The following CEP170B variants were observed in gnomAD, a reference collection of about 807,000 sequenced individuals.
CEP170B encodes the protein centrosomal protein 170B.
Under a neutral mutation model 120.6 loss-of-function variants are expected in CEP170B, and 55 were observed. The observed-to-expected ratio is 0.46, with a 90% CI of 0.37 to 0.57. The LOEUF is 0.57. Ranked by LOEUF, CEP170B falls within the 20% of genes least tolerant of loss-of-function variation. The pLI, the probability that CEP170B is intolerant of heterozygous loss-of-function variation, is 0.00. For synonymous variants in CEP170B, 1,033 were observed against 954.5 expected, an observed-to-expected ratio of 1.08 and a Z score of -1.52; for missense variants, 2,212 against 2,253.3, an observed-to-expected ratio of 0.98 and a Z score of 0.37.
intron 2 of CEP170B, among the ~76,000 whole-genome samples, chr14:104,875,986 C>A (rs1263641686): frequency 6.6e-6 from 1 of 152,166 alleles, no homozygotes; most frequent in African/African-American, 2.4e-5. Context: ...GACCAGAGGG[C>A]TCCCAGCACT....
At position 104,870,124 on chromosome 14, in the gene CEP170B, G is replaced by T. The variant is rs1240582021; in HGVS notation, c.105+1569G>T. On this transcript the variant is annotated intron_variant, in intron 2 of 18. Transcript: ENST00000414716. The surrounding 1 kb of genome is among the most constrained non-coding windows in gnomAD (Gnocchi z 4.1). ...ATGTTTTCTACAAGGGCCTGGTAAAGATTTTAGGTTTTATGGACCACAAAG... is the reference window on the plus strand; with the variant it reads ...ATGTTTTCTACAAGGGCCTGGTAAATATTTTAGGTTTTATGGACCACAAAG... Among the ~76,000 whole-genome samples, 2 of 152,050 alleles carry T rather than the reference G, an allele frequency of 1.3e-5. No homozygotes were observed. The highest frequency in any genetic ancestry group is 2.9e-5 in the Non-Finnish European group (2 of 68,014).
At chr14:104,878,747 G>C (rs555930502) in intron 5 of CEP170B, among the ~76,000 whole-genome samples, 1 of 144,530 alleles carries the variant, frequency 6.9e-6, no homozygotes, top group Admixed American at 6.9e-5. Flanking sequence ...ACCGGGACGC[G>C]GGTGCCACTG....
intron 6 of CEP170B, 89 bp downstream of exon 6, chr14:104,880,514 T>C: frequency 6.5e-7 from 1 of 1,531,958 alleles, no homozygotes; most frequent in Non-Finnish European, 8.8e-7. Flanking sequence ...CCCTTAACCC[T>C]CTGCATGCAT....
chr14:104,894,952 G>A lies in CEP170B; in HGVS notation c.4659G>A (p.Leu1553=), dbSNP rs202094112. The stretch of plus-strand genomic sequence containing the variant: ...TCCTCCCTGATGCCGAGAGGTTCCT[G>A]ATCTAGGCCCCAGACCTGGCCAGGC... ...PTFLPDAERF[L]I is the part of the protein sequence containing the mutation. The change falls in exon 19 of 19, where the codon CTG becomes CTA. Residue 1553 remains leucine, a synonymous_variant. Transcript: ENST00000414716. 6.3e-7 allele frequency: 1 copy of A among 1,579,286 alleles called. No homozygotes were observed. The highest frequency in any genetic ancestry group is 1.8e-5 in the Admixed American group (1 of 55,838).
chr14:104,887,330 A>G lies in CEP170B; in HGVS notation c.3091A>G (p.Ile1031Val). The change falls in exon 12 of 19, where the codon ATA becomes GTA. Residue 1031 changes from isoleucine (I) to valine (V), a missense_variant. By Grantham distance (29) the Ile-to-Val change is conservative (BLOSUM62 3). This residue lies in a region of CEP170B where 2,166 missense variants were observed against 2,166.7 expected (regional missense o/e 1.00). Transcript: ENST00000414716. ...TGGAGAGCCGGTACGGCGCTCAGCC[A>G]TAAGGCGTGGCCACAGGCCCCGAGG... ...GRGEPVRRSA[I>V]RRGHRPRGSL... is the part of the protein sequence containing the mutation. The G allele has an allele frequency of 2.5e-6, 4 of 1,611,282 alleles. No homozygotes were observed. Among genetic ancestry groups the G allele is most frequent in the South Asian group, 2.2e-5 (2 of 90,930 alleles).
At chr14:104,881,079 C>T (rs747817101) in intron 6 of CEP170B, among the ~76,000 whole-genome samples, 8 of 152,206 alleles carry the variant, frequency 5.3e-5, no homozygotes, top group Non-Finnish European at 7.3e-5. Context: ...TAGTATCAGG[C>T]ATTTGGACTG....
In CEP170B at chr14:104,883,929, G is replaced by A. The variant is rs777558393; in HGVS notation, c.1150G>A (p.Val384Met). 6 of 1,600,374 alleles carry A rather than the reference G, an allele frequency of 3.7e-6. No individual in the cohort carries two copies. The highest frequency in any genetic ancestry group is 5.1e-6 in the Non-Finnish European group (6 of 1,174,036). The change falls in exon 9 of 19, where the codon GTG (valine) becomes ATG (methionine). Residue 384 changes from valine (V) to methionine (M), a missense_variant. Around this residue, in one of 2 missense-constraint regions of CEP170B, gnomAD observed 2,166 missense variants for 2,166.7 expected, o/e 1.00. Coordinates refer to ENST00000414716, the MANE Select transcript of CEP170B (RefSeq NM_001112726.3). The part of the protein sequence containing the change: ...GVPLEASGEQ[V>M]RLQRQIKRDP... ...GCCCTTGGAGGCCAGCGGGGAGCAG[G>A]TGCGGCTGCAGAGGCAGATCAAGCG...
chr14:104,872,368 TGTGCCATGG>T, intron 2 of CEP170B, among the ~76,000 whole-genome samples: 1 of 73,968 alleles, frequency 1.4e-5, no homozygotes, highest in African/African-American at 4.0e-5. Flanking sequence ...GCCGCGTGTG[TGTGCCATGG>T]GTGTGCATGT....
rs1418670450 is a variant in CEP170B, at chr14:104,880,275, G to A, written c.334-12G>A. Reference sequence around the variant, plus strand: ...TGGGCCCAGTACCTCACCCCGCCTGGCCTGCCCACAGCATGAAAAGTACAC... The same window carrying A: ...TGGGCCCAGTACCTCACCCCGCCTGACCTGCCCACAGCATGAAAAGTACAC... On this transcript the variant is annotated splice_polypyrimidine_tract_variant and intron_variant, in intron 5 of 18. Transcript: ENST00000414716. The A allele has an allele frequency of 6.3e-7, 1 of 1,584,238 alleles. No homozygotes were observed. The highest frequency in any genetic ancestry group is 8.6e-7 in the Non-Finnish European group (1 of 1,166,398).
chr14:104,871,145 A>G (rs1042239336), intron 2 of CEP170B, among the ~76,000 whole-genome samples: 1 of 151,868 alleles, frequency 6.6e-6, no homozygotes, highest in African/African-American at 2.4e-5. Flanking sequence ...CAGGGGCCTC[A>G]GTGGCCCTTT....
intron 7 of CEP170B, 70 bp downstream of exon 7, chr14:104,882,902 G>A: frequency 6.6e-7 from 1 of 1,519,940 alleles, no homozygotes; most frequent in Non-Finnish European, 8.9e-7. Flanking sequence ...GGGATGGCCT[G>A]GGCTTGAGGA....
intron 9 of CEP170B, 125 bp from the exon 10 acceptor site, chr14:104,885,244 C>T (rs1896410244): frequency 1.8e-6 from 2 of 1,096,742 alleles, no homozygotes; most frequent in East Asian, 2.9e-5. Flanking sequence ...CATGTCCCGG[C>T]CACCAGCCAC....
rs115692922 is a variant in CEP170B at position 104,878,939 on chromosome 14, G to A, written c.333+438G>A. On this transcript the variant is annotated intron_variant, in intron 5 of 18. Transcript: ENST00000414716. Reference sequence around the variant, plus strand: ...GGTGGCCAGAGCCCAGGAAGCTGCTGGGGTCACCCTGCAGGAGAGTGCAGC... The same window carrying A: ...GGTGGCCAGAGCCCAGGAAGCTGCTAGGGTCACCCTGCAGGAGAGTGCAGC... Among the ~76,000 whole-genome samples, 326 of 152,314 alleles carry A rather than the reference G, an allele frequency of 2.1e-3. 1 individual carries two copies. Among genetic ancestry groups the A allele is most frequent in the African/African-American group, 7.7e-3 (321 of 41,570 alleles).
chr14:104,875,925 C>T (rs1301011068), intron 2 of CEP170B, among the ~76,000 whole-genome samples: 1 of 152,206 alleles, frequency 6.6e-6, no homozygotes, highest in Non-Finnish European at 1.5e-5. Flanking sequence ...CCCCTCACCG[C>T]CAGCCTGGCT....
Position 104,889,597 on chromosome 14 carries a change from C to T in CEP170B, c.3740-23C>T, listed in dbSNP as rs779087852. On this transcript the variant is annotated intron_variant, in intron 12 of 18. Transcript: ENST00000414716. The stretch of plus-strand genomic sequence containing the variant: ...GCTCCCGCCACGGCTCCCCCAAACA[C>T]ACACGCTCCCACACCTCAACAGCCA... 4 of 1,608,516 alleles carry T rather than the reference C, an allele frequency of 2.5e-6. No individual in the cohort carries two copies. In the African/African-American group the frequency reaches 4.0e-5, roughly 16 times the overall value.
Position 104,868,609 on chromosome 14 carries a change from G to A in CEP170B, c.105+54G>A, listed in dbSNP as rs749355724. 10 of 1,493,632 alleles carry A rather than the reference G, an allele frequency of 6.7e-6. No individual in the cohort carries two copies. Among genetic ancestry groups the A allele is most frequent in the Non-Finnish European group, 8.1e-6 (9 of 1,106,098 alleles). 92.5% of individuals were successfully genotyped at this position (1,493,632 alleles called of 1,614,324 possible). On this transcript the variant is annotated intron_variant, in intron 2 of 18. Transcript: ENST00000414716. The surrounding 1 kb of genome is among the most constrained non-coding windows in gnomAD (Gnocchi z 5.9). ...GGTAGGGGGTAGACAGTCTGTCCCT[G>A]TGGAGGCCAGGAAGGTGCCCACCCC... is the stretch of plus-strand genomic sequence containing the variant.
intron 18 of CEP170B, 37 bp from the exon 19 acceptor site, chr14:104,894,674 C>G: frequency 6.4e-7 from 1 of 1,572,858 alleles, no homozygotes; most frequent in Non-Finnish European, 8.6e-7. Context: ...AGCAGGTGAA[C>G]TGGATCCGCA....
chr14:104,893,203 A>G, intron 14 of CEP170B, 68 bp downstream of exon 14: 2 of 1,511,224 alleles, frequency 1.3e-6, no homozygotes, highest in Non-Finnish European at 1.8e-6. Context: ...CCAGGTCCCC[A>G]CAGCCCTTTG....
At chr14:104,873,403 C>T (rs892593031) in intron 2 of CEP170B, among the ~76,000 whole-genome samples, 4 of 151,920 alleles carry the variant, frequency 2.6e-5, no homozygotes, top group African/African-American at 9.7e-5. Flanking sequence ...GAGTCATCTG[C>T]CTGAAGCCTG....
Sources: gnomAD v4.1 joint callset for allele counts (sites outside exome capture counted in the v4.1 genomes callset) on GRCh38, gnomAD v4.1.1 for gene constraint, gnomAD v4.1.1 regional missense constraint, Gnocchi (gnomAD v3.1) non-coding constraint, MANE v1.5 for transcripts, NCBI Gene and HGNC (gene_info 2026-07-23, HGNC 2026-07-21) for gene names.